TSPAN5: variants seen among roughly 807,000 people sequenced by gnomAD.
TSPAN5 encodes tetraspanin-5.
In TSPAN5, 10 loss-of-function variants were observed where a neutral mutation model predicts 37.1. The observed-to-expected ratio is 0.27, with a 90% CI of 0.17 to 0.46. TSPAN5 has a LOEUF of 0.46. Ranked by LOEUF, TSPAN5 falls within the 20% of genes least tolerant of loss-of-function variation. The pLI is 1.00. For synonymous variants in TSPAN5, 110 were observed against 118.9 expected (o/e 0.93, Z 0.48); for missense variants, 195 against 326.6 (o/e 0.60, Z 3.11).
intron 1 of TSPAN5, among the ~76,000 whole-genome samples, chr4:98,569,327 C>T (rs867018863): frequency 6.6e-6 from 1 of 152,146 alleles, no homozygotes; most frequent in Non-Finnish European, 1.5e-5. Flanking sequence ...TGGGATAACA[C>T]GATGGAGAGA....
chr4:98,653,606 G>A (rs1757236738), intron 1 of TSPAN5, among the ~76,000 whole-genome samples: 1 of 152,144 alleles, frequency 6.6e-6, no homozygotes, highest in Admixed American at 6.5e-5. Flanking sequence ...TGATGCCAAA[G>A]TACTAGACTA....
chr4:98,472,427 G>C lies in TSPAN5; in HGVS notation c.*95C>G. The stretch of plus-strand genomic sequence containing the variant: ...AGGCGAGACTGCAGGCTGCATCTGT[G>C]ATTAGGTCCATGCAGCTCGAAGATC... On this transcript the variant is annotated 3_prime_UTR_variant, in exon 8 of 8. Coordinates refer to ENST00000305798, the MANE Select transcript of TSPAN5 (RefSeq NM_005723.4). 9.3e-7 allele frequency: 1 copy of C among 1,076,524 alleles called. No homozygotes were observed. The highest frequency in any genetic ancestry group is 1.4e-5 in the South Asian group (1 of 70,550). 66.7% of individuals were successfully genotyped at this position (1,076,524 alleles called of 1,614,324 possible). A position where few individuals can be genotyped will look rare whatever the true frequency, so the allele number is the denominator to read the frequency against.
intron 1 of TSPAN5, among the ~76,000 whole-genome samples, chr4:98,534,001 C>T (rs1175894444): frequency 3.3e-5 from 3 of 92,222 alleles, no homozygotes; most frequent in African/African-American, 4.3e-5. Flanking sequence ...AAGAGTTTTT[C>T]GTGTCTCTAT....
intron 1 of TSPAN5, among the ~76,000 whole-genome samples, chr4:98,626,889 T>G (rs1174409151): frequency 6.7e-6 from 1 of 148,560 alleles, no homozygotes; most frequent in African/African-American, 2.5e-5. Flanking sequence ...AGAGCAGGTT[T>G]TTTTTTTTTT....
intron 2 of TSPAN5, among the ~76,000 whole-genome samples, chr4:98,494,326 A>G (rs1753150158): frequency 6.6e-6 from 1 of 151,966 alleles, no homozygotes; most frequent in Admixed American, 6.5e-5. Flanking sequence ...CAAAACTCAG[A>G]AAGTGGGGTA....
rs185514970 is a variant in TSPAN5, at chr4:98,547,234, G to T, written c.82-39506C>A. Among the ~76,000 whole-genome samples the T allele has an allele frequency of 4.4e-3, 665 of 152,334 alleles. 8 individuals are homozygous for T. Among genetic ancestry groups the T allele is most frequent in the African/African-American group, 0.015 (636 of 41,580 alleles). ...CTCGGCTCCTCTCCCCGCCCAGGAAGAGGACACTTCTTAAGCTTTTATTAA... is the reference window on the plus strand; with the variant it reads ...CTCGGCTCCTCTCCCCGCCCAGGAATAGGACACTTCTTAAGCTTTTATTAA... On this transcript the variant is annotated intron_variant, in intron 1 of 7. Coordinates refer to ENST00000305798, the MANE Select transcript of TSPAN5 (RefSeq NM_005723.4).
chr4:98,624,755 T>C (rs1403501781), intron 1 of TSPAN5, among the ~76,000 whole-genome samples: 1 of 152,202 alleles, frequency 6.6e-6, no homozygotes, highest in African/African-American at 2.4e-5. Flanking sequence ...GCCACAAACA[T>C]TAACTTATTC....
chr4:98,566,798 G>A (rs1310996499), intron 1 of TSPAN5, among the ~76,000 whole-genome samples: 1 of 152,184 alleles, frequency 6.6e-6, no homozygotes, highest in East Asian at 1.9e-4. Flanking sequence ...GACCCATCTG[G>A]GACAGGTGGG....
At chr4:98,478,260 A>G (rs1160078131) in intron 5 of TSPAN5, among the ~76,000 whole-genome samples, 1 of 152,208 alleles carries the variant, frequency 6.6e-6, no homozygotes, top group Non-Finnish European at 1.5e-5. Flanking sequence ...GAGAGCTCTC[A>G]TATGAGCCTG....
intron 2 of TSPAN5, among the ~76,000 whole-genome samples, chr4:98,489,861 C>A (rs1169459455): frequency 6.6e-6 from 1 of 152,154 alleles, no homozygotes; most frequent in African/African-American, 2.4e-5. Flanking sequence ...CTTGCCGCCA[C>A]CTTGGAAGCG....
intron 1 of TSPAN5, among the ~76,000 whole-genome samples, chr4:98,614,573 A>G (rs773492918): frequency 1.3e-5 from 2 of 152,206 alleles, no homozygotes; most frequent in African/African-American, 2.4e-5. Flanking sequence ...CTTGTTTTTT[A>G]AAGTTCCCAA....
intron 7 of TSPAN5, among the ~76,000 whole-genome samples, chr4:98,474,264 C>G (rs921666316): frequency 3.9e-5 from 6 of 152,022 alleles, no homozygotes; most frequent in African/African-American, 1.4e-4. Flanking sequence ...TCTAGTTTTC[C>G]CAGTACCATT....
rs1012574960 is a variant in TSPAN5, at chr4:98,624,717, T to G, written c.81+33429A>C. Among the ~76,000 whole-genome samples, 17 of 152,324 alleles carry G rather than the reference T, an allele frequency of 1.1e-4. No individual in the cohort carries two copies. In the East Asian group the frequency reaches 2.5e-3, roughly 22 times the overall value. ...TTGGAGAACTATAAGAGCAGTAACT[T>G]ACATTAATTAGTAGTTAATGGGGTA... On this transcript the variant is annotated intron_variant, in intron 1 of 7. Coordinates refer to ENST00000305798, the MANE Select transcript of TSPAN5 (RefSeq NM_005723.4).
chr4:98,524,883 CTG>C (rs1197583672), intron 1 of TSPAN5, among the ~76,000 whole-genome samples: 1 of 152,080 alleles, frequency 6.6e-6, no homozygotes, highest in Non-Finnish European at 1.5e-5. Flanking sequence ...AATCTTTTTA[CTG>C]TGTGTCATTA....
chr4:98,598,083 A>C (rs1329512112), intron 1 of TSPAN5, among the ~76,000 whole-genome samples: 1 of 82,018 alleles, frequency 1.2e-5, no homozygotes, highest in Non-Finnish European at 2.1e-5. Context: ...GCTAGCAATC[A>C]GCGAGATTTC....
At chr4:98,638,702 ATCT>A (rs1756907130) in intron 1 of TSPAN5, among the ~76,000 whole-genome samples, 8 of 152,200 alleles carry the variant, frequency 5.3e-5, no homozygotes, top group Admixed American at 5.2e-4. Context: ...CTCCACCTGT[ATCT>A]GGTCTTGTTT....
chr4:98,478,718 G>A lies in TSPAN5; in HGVS notation c.543C>T (p.Gly181=), dbSNP rs748663851. 10 of 1,614,098 alleles carry A rather than the reference G, an allele frequency of 6.2e-6. No individual in the cohort carries two copies. The Admixed American group carries it at 6.7e-5, about 11-fold the overall frequency. Residue 181 remains glycine, a synonymous_variant, in exon 5 of 8, where the codon GGC becomes GGT. Coordinates refer to ENST00000305798, the MANE Select transcript of TSPAN5 (RefSeq NM_005723.4). ...TDSNASRERC[G]VPFSCCTKDP... The stretch of plus-strand genomic sequence containing the variant: ...CTTTAGTGCAGCAGGAGAATGGAAC[G>A]CCACATCGCTCTCGACTTGCATTGG...
At chr4:98,629,482 G>A (rs1399505354) in intron 1 of TSPAN5, among the ~76,000 whole-genome samples, 2 of 152,148 alleles carry the variant, frequency 1.3e-5, no homozygotes, top group Non-Finnish European at 1.5e-5. Flanking sequence ...GATAAATTAC[G>A]TTCTCCTAAT....
intron 1 of TSPAN5, among the ~76,000 whole-genome samples, chr4:98,542,777 G>C (rs1754389044): frequency 6.7e-6 from 1 of 149,108 alleles, no homozygotes; most frequent in Non-Finnish European, 1.5e-5. Flanking sequence ...AAAGTTTGCT[G>C]TTGAATGAGG....
Sources: allele counts gnomAD v4.1 joint callset (sites outside exome capture counted in the v4.1 genomes callset), GRCh38; gene constraint gnomAD v4.1.1; transcripts MANE v1.5; gene names NCBI Gene and HGNC (gene_info 2026-07-23, HGNC 2026-07-21).